The following SPMIP2 variants were observed in gnomAD, a reference collection of about 807,000 sequenced individuals.
The protein encoded by SPMIP2 is sperm microtubule inner protein 2.
chr4:158,900,763 A>G, the SPMIP2 span, among the ~76,000 whole-genome samples: 19 of 152,144 alleles, frequency 1.2e-4, no homozygotes, highest in African/African-American at 4.1e-4. Context: ...ATACAGCACA[A>G]TCATGGGTCT....
chr4:158,979,370 T>C, the SPMIP2 span, among the ~76,000 whole-genome samples: 1 of 152,096 alleles, frequency 6.6e-6, no homozygotes, highest in Admixed American at 6.5e-5. Context: ...AATGGTTCTC[T>C]CATGGGCATT....
the SPMIP2 span, among the ~76,000 whole-genome samples, chr4:158,935,299 T>G: frequency 6.6e-6 from 1 of 152,162 alleles, no homozygotes; most frequent in Non-Finnish European, 1.5e-5. Context: ...GCCTTGAAAA[T>G]GCAGCTCAAG....
At chr4:159,028,335 T>A in the SPMIP2 span, among the ~76,000 whole-genome samples, 2 of 151,852 alleles carry the variant, frequency 1.3e-5, no homozygotes, top group East Asian at 3.9e-4. Flanking sequence ...TTTTTAAGTA[T>A]TTTTTTTTCC....
chr4:159,021,618 A>G, the SPMIP2 span, among the ~76,000 whole-genome samples: 2 of 152,362 alleles, frequency 1.3e-5, no homozygotes, highest in African/African-American at 2.4e-5. Flanking sequence ...AAGTAGAATC[A>G]ATACAATGTT....
chr4:158,908,306 C>T, the SPMIP2 span, among the ~76,000 whole-genome samples: 1 of 152,028 alleles, frequency 6.6e-6, no homozygotes. Context: ...CTTGTCCCAC[C>T]CACCTCCTGC....
the SPMIP2 span, among the ~76,000 whole-genome samples, chr4:158,917,322 G>A: frequency 6.6e-6 from 1 of 152,104 alleles, no homozygotes; most frequent in Admixed American, 6.5e-5. Flanking sequence ...AGCTACTCGG[G>A]AGGCCAAGGC....
chr4:158,972,325 G>A, the SPMIP2 span, among the ~76,000 whole-genome samples: 1 of 152,220 alleles, frequency 6.6e-6, no homozygotes, highest in Admixed American at 6.5e-5. Context: ...TCGTGCCACT[G>A]CACTCCAGCC....
At chr4:159,030,104 A>ATT in the SPMIP2 span, among the ~76,000 whole-genome samples, 2 of 152,216 alleles carry the variant, frequency 1.3e-5, no homozygotes, top group African/African-American at 4.8e-5. Flanking sequence ...AACTGTAGTT[A>ATT]TAAATGACAA....
chr4:158,904,787 A>G, the SPMIP2 span: 1 of 472,042 alleles, frequency 2.1e-6, no homozygotes, highest in Non-Finnish European at 3.8e-6. Flanking sequence ...ATGAATCAAC[A>G]AAGAAACTGA....
At chr4:159,024,387 T>C in the SPMIP2 span, among the ~76,000 whole-genome samples, 1 of 152,156 alleles carries the variant, frequency 6.6e-6, no homozygotes, top group Non-Finnish European at 1.5e-5. Context: ...GCAACTGGGG[T>C]TAGCAAGACA....
At chr4:159,050,003 C>T in the SPMIP2 span, among the ~76,000 whole-genome samples, 950 of 152,304 alleles carry the variant, frequency 6.2e-3, 7 homozygotes, top group Non-Finnish European at 8.6e-3. Context: ...TGTCAAGTAA[C>T]TTAGACGTTA....
At chr4:158,978,639 T>C in the SPMIP2 span, among the ~76,000 whole-genome samples, 2 of 152,228 alleles carry the variant, frequency 1.3e-5, no homozygotes, top group African/African-American at 4.8e-5. Flanking sequence ...TTTAGCTCTT[T>C]TTATTGCATT....
chr4:158,955,898 T>C, the SPMIP2 span, among the ~76,000 whole-genome samples: 3 of 152,362 alleles, frequency 2.0e-5, no homozygotes, highest in East Asian at 1.9e-4. Flanking sequence ...TCTCATGTCA[T>C]AGAGTGGACT....
chr4:158,956,380 T>G, the SPMIP2 span, among the ~76,000 whole-genome samples: 2 of 152,210 alleles, frequency 1.3e-5, no homozygotes, highest in African/African-American at 4.8e-5. Context: ...CTGGCCAATA[T>G]GGTGAAACCC....
the SPMIP2 span, among the ~76,000 whole-genome samples, chr4:158,950,638 G>A: frequency 1.3e-5 from 2 of 152,188 alleles, no homozygotes; most frequent in African/African-American, 4.8e-5. Flanking sequence ...GCTCACACCT[G>A]TAATCCCAGC....
the SPMIP2 span, among the ~76,000 whole-genome samples, chr4:159,002,904 C>T: frequency 6.6e-6 from 1 of 152,080 alleles, no homozygotes; most frequent in African/African-American, 2.4e-5. Context: ...ACTTTTTTCT[C>T]TCTCTCTGGT....
chr4:158,958,120 C>G, the SPMIP2 span, among the ~76,000 whole-genome samples: 30 of 152,020 alleles, frequency 2.0e-4, no homozygotes, highest in Non-Finnish European at 1.9e-4. Context: ...CACCTCAGCC[C>G]CCTCAGTAGC....
chr4:159,021,815 T>C, the SPMIP2 span, among the ~76,000 whole-genome samples: 2 of 152,190 alleles, frequency 1.3e-5, no homozygotes, highest in African/African-American at 4.8e-5. Context: ...GAAGCTGGCA[T>C]TCCTCAGGAC....
the SPMIP2 span, among the ~76,000 whole-genome samples, chr4:159,001,278 A>G: frequency 3.9e-5 from 6 of 152,174 alleles, no homozygotes; most frequent in Non-Finnish European, 2.9e-5. Flanking sequence ...TGCTATCCAT[A>G]TATTTTCTTT....
Sources: gnomAD v4.1 joint callset for allele counts (sites outside exome capture counted in the v4.1 genomes callset) on GRCh38, gnomAD v4.1.1 for gene constraint, MANE v1.5 for transcripts, NCBI Gene and HGNC (gene_info 2026-07-23, HGNC 2026-07-21) for gene names.